ULK2: variants seen among roughly 807,000 people sequenced by gnomAD.
The protein encoded by ULK2 is unc-51 like autophagy activating kinase 2.
A neutral mutation model predicts 127.5 loss-of-function variants in ULK2; 76 were observed. The observed-to-expected ratio is 0.60, with a 90% CI of 0.50 to 0.72. The LOEUF is 0.72. ULK2 is among the 30% of genes least tolerant of loss of function. The probability of loss-of-function intolerance (pLI) is 0.00; values close to 1 mark genes in which losing one functional copy is unlikely to be tolerated. For synonymous variants in ULK2, 452 were observed against 461.9 expected, an observed-to-expected ratio of 0.98 and a Z score of 0.28; for missense variants, 1,144 against 1,295.9, an observed-to-expected ratio of 0.88 and a Z score of 1.80.
chr17:19,826,163 GA>G lies in ULK2; in HGVS notation c.810del (p.Glu272SerfsTer5), dbSNP rs1239960479. ...MDFEAFFSHP[F>X]LEQGPVKKSC... The stretch of plus-strand genomic sequence containing the variant: ...CATTTTTTTACTGGACCTTGCTCAA[GA>G]AAAGGATGGCTAAAAAATGCTTCTG... On this transcript the variant is annotated frameshift_variant, in exon 11 of 27. Coordinates refer to ENST00000395544, the MANE Select transcript of ULK2 (RefSeq NM_014683.4). LOFTEE classifies it high-confidence loss of function. 2.7e-6 allele frequency: 4 copies of G among 1,472,584 alleles called. No homozygotes were observed. Among genetic ancestry groups the G allele is most frequent in the South Asian group, 3.0e-5 (2 of 65,664 alleles). 91.2% of individuals were successfully genotyped at this position (1,472,584 alleles called of 1,614,324 possible). A position where few individuals can be genotyped will look rare whatever the true frequency, so the allele number is the denominator to read the frequency against.
At chr17:19,794,545 A>T (rs1028799165) in intron 20 of ULK2, among the ~76,000 whole-genome samples, 1 of 152,104 alleles carries the variant, frequency 6.6e-6, no homozygotes, top group Non-Finnish European at 1.5e-5. Context: ...AACACACCTC[A>T]CCTACAGAGA....
intron 3 of ULK2, among the ~76,000 whole-genome samples, chr17:19,851,840 G>C (rs1457568184): frequency 6.6e-6 from 1 of 151,692 alleles, no homozygotes; most frequent in Non-Finnish European, 1.5e-5. Context: ...GATGTCAGGA[G>C]TTCGAGACTA....
chr17:19,771,036 A>C lies in ULK2; in HGVS notation c.*5313T>G, dbSNP rs1324042911. The C allele has an allele frequency of 1.3e-5, 2 of 152,138 alleles. No individual in the cohort carries two copies. The highest frequency in any genetic ancestry group is 4.8e-5 in the African/African-American group (2 of 41,412). 9.4% of individuals were successfully genotyped at this position (152,138 alleles called of 1,614,324 possible). On this transcript the variant is annotated 3_prime_UTR_variant, in exon 27 of 27. Transcript: ENST00000395544. ...TCCAGCAGGAGACATTGGAGCACCA[A>C]ATGGAAAAGCTCTTCCTTCCTTCCC...
intron 7 of ULK2, among the ~76,000 whole-genome samples, chr17:19,844,782 A>C (rs979232667): frequency 1.3e-5 from 2 of 152,292 alleles, no homozygotes; most frequent in East Asian, 3.9e-4. Context: ...TTAATACTGC[A>C]CATTACATTA....
intron 7 of ULK2, among the ~76,000 whole-genome samples, chr17:19,844,661 T>A (rs1383041783): frequency 6.6e-6 from 1 of 152,092 alleles, no homozygotes; most frequent in East Asian, 1.9e-4. Flanking sequence ...AAAGTTGATT[T>A]TAGTTTAGAG....
chr17:19,810,589 C>T, intron 13 of ULK2, 151 bp from the exon 14 acceptor site: 1 of 551,742 alleles, frequency 1.8e-6, no homozygotes, highest in Non-Finnish European at 3.3e-6. Flanking sequence ...TAATAGATGA[C>T]CTCAGAAAAC....
intron 10 of ULK2, 79 bp downstream of exon 10, chr17:19,838,422 G>A: frequency 7.9e-7 from 1 of 1,270,542 alleles, no homozygotes; most frequent in Non-Finnish European, 1.1e-6. Context: ...TTAATTTTCT[G>A]AAATCTCTAG....
At position 19,838,540 on chromosome 17, in the gene ULK2, C is replaced by T. The variant is rs200796684; in HGVS notation, c.748G>A (p.Gly250Ser). The change falls in exon 10 of 27, where the codon GGT becomes AGT. Residue 250 changes from glycine (G) to serine (S), a missense_variant. Coordinates refer to ENST00000395544, the MANE Select transcript of ULK2 (RefSeq NM_014683.4). ...TSPYLANLLL[G>S]LLQRNQKDRM... ...TCTTTTTGGTTTCTCTGAAGCAAAC[C>T]CAAAAGGAGATTAGCCAAATAAGGT... is the stretch of plus-strand genomic sequence containing the variant. 1 of 1,612,696 alleles carries T rather than the reference C, an allele frequency of 6.2e-7. No individual in the cohort carries two copies. Among genetic ancestry groups the T allele is most frequent in the Non-Finnish European group, 8.5e-7 (1 of 1,179,656 alleles).
chr17:19,838,164 A>C (rs1305405457), intron 10 of ULK2, among the ~76,000 whole-genome samples: 1 of 152,124 alleles, frequency 6.6e-6, no homozygotes, highest in East Asian at 1.9e-4. Flanking sequence ...TGACTACCTT[A>C]TTTAAAATTT....
chr17:19,849,782 G>A lies in ULK2; in HGVS notation c.226-8C>T. ...GACAGAGTTGGGTAATTCCTGAAAAGTAAACATATTAAATATCATTTAGAG... is the reference window on the plus strand; with the variant it reads ...GACAGAGTTGGGTAATTCCTGAAAAATAAACATATTAAATATCATTTAGAG... On this transcript the variant is annotated splice_polypyrimidine_tract_variant and splice_region_variant and intron_variant, in intron 3 of 26. Transcript: ENST00000395544. 1 of 1,510,824 alleles carries A rather than the reference G, an allele frequency of 6.6e-7. No homozygotes were observed. The allele number at this position is 1,510,824 out of a possible 1,614,324, so 93.6% of individuals were successfully genotyped here.
intron 17 of ULK2, among the ~76,000 whole-genome samples, chr17:19,798,866 A>AC (rs2087331517): frequency 6.6e-6 from 1 of 152,200 alleles, no homozygotes; most frequent in African/African-American, 2.4e-5. Flanking sequence ...GCTCTTACCA[A>AC]AAATGGTATT....
In ULK2 at chr17:19,825,087, A is replaced by G. The variant is rs1220652945; in HGVS notation, c.924+7T>C. 40 of 1,613,182 alleles carry G rather than the reference A, an allele frequency of 2.5e-5. No individual in the cohort carries two copies. Among genetic ancestry groups the G allele is most frequent in the Non-Finnish European group, 3.4e-5 (40 of 1,179,348 alleles). On this transcript the variant is annotated splice_region_variant and intron_variant, in intron 12 of 26. Coordinates refer to ENST00000395544, the MANE Select transcript of ULK2 (RefSeq NM_014683.4). ...TCTGAAATTATTTTTAATAAACTGT[A>G]ACTTACTGGTGGAGAAGCAAAACGA...
Position 19,797,621 on chromosome 17 carries a change from G to T in ULK2, c.1584C>A (p.Ser528Arg), listed in dbSNP as rs138351757. Residue 528 changes from serine to arginine, a missense_variant, in exon 18 of 27, where the codon AGC (serine) becomes AGA (arginine). Transcript: ENST00000395544. ...GATAGATGTCAGTGAGGGTGGGGGC[G>T]CTCTGCAGTCTAGCACCCGATAAGA... ...QSLLSGARLQSAPTLTDIYQN... is the reference protein window; with the variant it reads ...QSLLSGARLQRAPTLTDIYQN... The T allele has an allele frequency of 1.2e-6, 2 of 1,612,010 alleles. No homozygotes were observed. The highest frequency in any genetic ancestry group is 1.7e-6 in the Non-Finnish European group (2 of 1,179,102).
At chr17:19,853,101 T>G (rs1041839806) in intron 3 of ULK2, among the ~76,000 whole-genome samples, 33 of 151,894 alleles carry the variant, frequency 2.2e-4, no homozygotes, top group African/African-American at 7.7e-4. Context: ...CCTGGTTTCT[T>G]TTTTATTTTA....
chr17:19,857,293 G>A (rs1470648485), intron 3 of ULK2, among the ~76,000 whole-genome samples: 1 of 145,046 alleles, frequency 6.9e-6, no homozygotes, highest in Non-Finnish European at 1.5e-5. Context: ...GGGTGACAGA[G>A]TGAGACTCTG....
chr17:19,867,085 T>G (rs2042367059), intron 1 of ULK2, among the ~76,000 whole-genome samples: 1 of 151,856 alleles, frequency 6.6e-6, no homozygotes, highest in African/African-American at 2.4e-5. Context: ...GACCGCGGGG[T>G]GGGCCCCGGG....
At chr17:19,831,162 C>T (rs553251998) in intron 10 of ULK2, among the ~76,000 whole-genome samples, 1 of 152,068 alleles carries the variant, frequency 6.6e-6, no homozygotes, top group African/African-American at 2.4e-5. Context: ...GCATGTCTTA[C>T]CATTGCAGAG....
chr17:19,847,131 T>G (rs1485135813), intron 5 of ULK2, among the ~76,000 whole-genome samples: 1 of 152,210 alleles, frequency 6.6e-6, no homozygotes, highest in Non-Finnish European at 1.5e-5. Context: ...TGACTGGCAC[T>G]TTCACCTTTT....
chr17:19,804,554 TA>T lies in ULK2; in HGVS notation c.1295+138del, dbSNP rs2087471719. On this transcript the variant is annotated intron_variant, in intron 15 of 26. Transcript: ENST00000395544. ...TTTAAATTCATCAATTATAAAACTT[TA>T]TTATTCAATTTTGTGCGTTCCCATT... 22 of 826,914 alleles carry T rather than the reference TA, an allele frequency of 2.7e-5. No individual in the cohort carries two copies. The East Asian group carries it at 6.7e-4, about 25-fold the overall frequency. The allele number at this position is 826,914 out of a possible 1,614,324, so 51.2% of individuals were successfully genotyped here.
Sources: gnomAD v4.1 joint callset for allele counts (sites outside exome capture counted in the v4.1 genomes callset) on GRCh38, gnomAD v4.1.1 for gene constraint, MANE v1.5 for transcripts, NCBI Gene and HGNC (gene_info 2026-07-23, HGNC 2026-07-21) for gene names.